The following NKAIN3 variants were observed in gnomAD, a reference collection of about 807,000 sequenced individuals.
The protein encoded by NKAIN3 is sodium/potassium-transporting ATPase subunit beta-1-interacting protein 3.
Under a neutral mutation model 30.2 loss-of-function variants are expected in NKAIN3, and 25 were observed. That is an observed-to-expected ratio of 0.83 (90% CI 0.60 to 1.16). NKAIN3 has a LOEUF of 1.16. Ranked by LOEUF, NKAIN3 falls within the 50% of genes most tolerant of loss-of-function variation. NKAIN3 has a pLI of 0.00. For missense variants in NKAIN3, 225 were observed against 254.1 expected, an observed-to-expected ratio of 0.89 and a Z score of 0.78; for synonymous variants, 91 against 89.6, an observed-to-expected ratio of 1.02 and a Z score of -0.09.
chr8:62,520,048 A>G (rs1808108842), intron 1 of NKAIN3, among the ~76,000 whole-genome samples: 2 of 151,726 alleles, frequency 1.3e-5, no homozygotes, highest in African/African-American at 4.9e-5. Flanking sequence ...AGACAATCCA[A>G]CAAACAAACA....
chr8:62,323,500 G>A (rs889309801), intron 1 of NKAIN3, among the ~76,000 whole-genome samples: 10 of 152,210 alleles, frequency 6.6e-5, no homozygotes, highest in African/African-American at 4.8e-5. Flanking sequence ...GTCCAAGGTT[G>A]GACAGGCAGT....
At chr8:62,745,822 A>G (rs1368212835) in intron 3 of NKAIN3, among the ~76,000 whole-genome samples, 2 of 152,160 alleles carry the variant, frequency 1.3e-5, no homozygotes, top group East Asian at 3.9e-4. Flanking sequence ...ATAAGGAATG[A>G]TCAGGGCTTT....
At chr8:62,575,937 A>C (rs530782234) in intron 1 of NKAIN3, among the ~76,000 whole-genome samples, 2 of 152,178 alleles carry the variant, frequency 1.3e-5, no homozygotes, top group South Asian at 4.1e-4. Flanking sequence ...AACTGGACTC[A>C]TATCTCTTGC....
intron 4 of NKAIN3, among the ~76,000 whole-genome samples, chr8:62,840,497 C>G (rs1382095492): frequency 6.6e-6 from 1 of 150,788 alleles, no homozygotes; most frequent in Non-Finnish European, 1.5e-5. Context: ...ACACTGCTCT[C>G]TACATTTTTG....
chr8:62,826,894 A>T (rs978705008), intron 4 of NKAIN3, among the ~76,000 whole-genome samples: 1 of 152,218 alleles, frequency 6.6e-6, no homozygotes, highest in South Asian at 2.1e-4. Flanking sequence ...TTACTGGTTT[A>T]AATACAATAC....
intron 3 of NKAIN3, among the ~76,000 whole-genome samples, chr8:62,593,366 G>T (rs1810716209): frequency 6.6e-6 from 1 of 151,840 alleles, no homozygotes; most frequent in African/African-American, 2.4e-5. Flanking sequence ...TCTTCTTTGT[G>T]GATGAATTCC....
At chr8:62,717,430 A>G (rs1000308538) in intron 3 of NKAIN3, among the ~76,000 whole-genome samples, 2 of 151,702 alleles carry the variant, frequency 1.3e-5, no homozygotes, top group Admixed American at 6.6e-5. Flanking sequence ...TGGTATTGTA[A>G]CACAGGAGAC....
At chr8:62,483,678 G>A in intron 1 of NKAIN3, 1 of 260,380 alleles carries the variant, frequency 3.8e-6, no homozygotes, top group Non-Finnish European at 7.6e-6. Context: ...TTATCCTATG[G>A]AGGTTGTCAG....
intron 1 of NKAIN3, chr8:62,482,660 G>A (rs1017174312): frequency 2.6e-5 from 4 of 152,300 alleles, no homozygotes; most frequent in Admixed American, 6.5e-5. Flanking sequence ...CCTTTCTGGT[G>A]AGAGATTCAT....
At chr8:62,496,943 G>A (rs540609261) in intron 1 of NKAIN3, among the ~76,000 whole-genome samples, 216 of 152,122 alleles carry the variant, frequency 1.4e-3, no homozygotes, top group African/African-American at 4.9e-3. Flanking sequence ...TAACTACAGC[G>A]GCTATGCTTT....
At chr8:62,598,709 G>A (rs919096389) in intron 3 of NKAIN3, among the ~76,000 whole-genome samples, 54 of 152,030 alleles carry the variant, frequency 3.6e-4, no homozygotes, top group African/African-American at 9.9e-4. Context: ...TCTAATTCAC[G>A]TAGAAGGGAC....
At chr8:62,452,326 A>T (rs922101891) in intron 1 of NKAIN3, among the ~76,000 whole-genome samples, 12 of 152,032 alleles carry the variant, frequency 7.9e-5, no homozygotes, top group Admixed American at 6.6e-4. Context: ...AAATACAAAA[A>T]TTAGGTGGGC....
intron 4 of NKAIN3, among the ~76,000 whole-genome samples, chr8:62,756,735 T>C (rs1816463347): frequency 6.6e-6 from 1 of 152,192 alleles, no homozygotes; most frequent in Non-Finnish European, 1.5e-5. Flanking sequence ...TTAAAGCATG[T>C]GAACATTTAA....
Position 62,966,146 on chromosome 8 carries a change from C to G in NKAIN3, c.*739C>G. ...AGGTCCATATTTTCTACTCATTATT[C>G]CATTCCTGACACTGCTGTCAGACCT... On this transcript the variant is annotated 3_prime_UTR_variant, in exon 7 of 7. Transcript: ENST00000623646. The G allele has an allele frequency of 6.1e-6, 6 of 985,250 alleles. No individual in the cohort carries two copies. The highest frequency in any genetic ancestry group is 7.2e-6 in the Non-Finnish European group (6 of 829,844). 61.0% of individuals were successfully genotyped at this position (985,250 alleles called of 1,614,324 possible). A position where few individuals can be genotyped will look rare whatever the true frequency, so the allele number is the denominator to read the frequency against.
chr8:62,553,013 T>A (rs1433067043), intron 1 of NKAIN3, among the ~76,000 whole-genome samples: 1 of 152,092 alleles, frequency 6.6e-6, no homozygotes, highest in African/African-American at 2.4e-5. Flanking sequence ...GCCCCAAATC[T>A]CCTTCCAAGT....
chr8:62,714,129 T>G (rs1814814915), intron 3 of NKAIN3, among the ~76,000 whole-genome samples: 1 of 152,172 alleles, frequency 6.6e-6, no homozygotes, highest in African/African-American at 2.4e-5. Context: ...TACAAGAGTA[T>G]GACTTTTTTA....
chr8:62,913,744 T>C (rs915435036), intron 4 of NKAIN3, among the ~76,000 whole-genome samples: 4 of 152,190 alleles, frequency 2.6e-5, no homozygotes, highest in Non-Finnish European at 4.4e-5. Flanking sequence ...CTCCTCTTAG[T>C]ACAAGCTCCC....
chr8:62,270,695 T>C (rs1812751864), intron 1 of NKAIN3, among the ~76,000 whole-genome samples: 1 of 152,178 alleles, frequency 6.6e-6, no homozygotes, highest in Non-Finnish European at 1.5e-5. Flanking sequence ...TTTATACTCT[T>C]TGACAATCAT....
chr8:62,741,191 C>T (rs1352406648), intron 3 of NKAIN3, among the ~76,000 whole-genome samples: 4 of 152,038 alleles, frequency 2.6e-5, no homozygotes, highest in Admixed American at 1.3e-4. Context: ...GAGTCTATGA[C>T]GTTACAGACT....
Sources: allele counts gnomAD v4.1 joint callset (sites outside exome capture counted in the v4.1 genomes callset), GRCh38; gene constraint gnomAD v4.1.1; transcripts MANE v1.5; gene names NCBI Gene and HGNC (gene_info 2026-07-23, HGNC 2026-07-21).